Variants in SORCS3 observed in about 807,000 individuals in gnomAD.
SORCS3 encodes the protein sortilin related VPS10 domain containing receptor 3.
In SORCS3, 57 loss-of-function variants were observed where a neutral mutation model predicts 146.3. The observed-to-expected ratio is 0.39, with a 90% CI of 0.31 to 0.49. The LOEUF (loss-of-function observed/expected upper bound fraction) is 0.49. Ranked by LOEUF, SORCS3 falls within the 20% of genes least tolerant of loss-of-function variation. The probability of loss-of-function intolerance (pLI) is 0.92; values close to 1 mark genes in which losing one functional copy is unlikely to be tolerated. For missense variants in SORCS3, 1,341 were observed against 1,575.5 expected (o/e 0.85, Z 2.52); for synonymous variants, 653 against 618.5 (o/e 1.06, Z -0.83).
chr10:104,654,315 T>C (rs941337737), intron 1 of SORCS3, among the ~76,000 whole-genome samples: 1 of 152,226 alleles, frequency 6.6e-6, no homozygotes, highest in African/African-American at 2.4e-5. Flanking sequence ...TTTGAGTATA[T>C]AACCAGCAGC....
At chr10:104,867,285 G>A (rs1360337832) in intron 2 of SORCS3, among the ~76,000 whole-genome samples, 1 of 152,030 alleles carries the variant, frequency 6.6e-6, no homozygotes, top group Non-Finnish European at 1.5e-5. Context: ...ATTAGGGTGA[G>A]GAAAGTGAAA....
rs113865769 is a variant in SORCS3, at chr10:105,242,147, A to G, written c.2869-3395A>G. Among the ~76,000 whole-genome samples the G allele has an allele frequency of 3.3e-3, 497 of 150,846 alleles. 1 individual carries two copies. The highest frequency in any genetic ancestry group is 0.016 in the South Asian group (79 of 4,816). On this transcript the variant is annotated intron_variant, in intron 20 of 26. Coordinates refer to ENST00000369701, the MANE Select transcript of SORCS3 (RefSeq NM_014978.3). ...ATTGCAATTTCTTATAAAACTAAAC[A>G]TTTTCCTAAATCATTCTACCATTTT...
intron 4 of SORCS3, among the ~76,000 whole-genome samples, chr10:105,015,712 A>G (rs1463564096): frequency 6.6e-6 from 1 of 152,038 alleles, no homozygotes; most frequent in African/African-American, 2.4e-5. Context: ...CAATGGAAGA[A>G]GTAAGGTTCT....
intron 6 of SORCS3, among the ~76,000 whole-genome samples, chr10:105,095,729 A>C (rs2055741232): frequency 7.3e-6 from 1 of 137,552 alleles, no homozygotes; most frequent in South Asian, 2.3e-4. Flanking sequence ...AGCTATTCAC[A>C]GACAGGCAGA....
At chr10:104,812,649 CTTTCCCA>C (rs1365380582) in intron 1 of SORCS3, among the ~76,000 whole-genome samples, 7 of 152,166 alleles carry the variant, frequency 4.6e-5, no homozygotes, top group African/African-American at 1.7e-4. Flanking sequence ...CCTAATGGGC[CTTTCCCA>C]TTGGAACCAG....
At chr10:104,862,985 C>G (rs2018421077) in intron 2 of SORCS3, among the ~76,000 whole-genome samples, 1 of 152,150 alleles carries the variant, frequency 6.6e-6, no homozygotes, top group African/African-American at 2.4e-5. Context: ...CTGTGACATT[C>G]ATTTGGGGAA....
At chr10:104,691,996 G>GT (rs892450621) in intron 1 of SORCS3, among the ~76,000 whole-genome samples, 67 of 151,364 alleles carry the variant, frequency 4.4e-4, no homozygotes, top group African/African-American at 1.2e-3. Flanking sequence ...ACAAGGGTCT[G>GT]TTTTTTTTTA....
intron 2 of SORCS3, among the ~76,000 whole-genome samples, chr10:104,856,069 C>G (rs559978980): frequency 6.6e-6 from 1 of 152,008 alleles, no homozygotes; most frequent in Non-Finnish European, 1.5e-5. Flanking sequence ...GAACTCAGCA[C>G]GGTGCTAGGC....
intron 7 of SORCS3, among the ~76,000 whole-genome samples, chr10:105,128,372 A>T (rs915328259): frequency 6.6e-6 from 1 of 152,122 alleles, no homozygotes; most frequent in Admixed American, 6.6e-5. Context: ...GAGACATGCA[A>T]ATCCCATGTT....
At chr10:104,733,545 A>G (rs1411369982) in intron 1 of SORCS3, among the ~76,000 whole-genome samples, 1 of 147,686 alleles carries the variant, frequency 6.8e-6, no homozygotes, top group Non-Finnish European at 1.5e-5. Context: ...TTTTTTGTAG[A>G]AATAAGGTCC....
chr10:105,189,611 G>A (rs2056500941), intron 14 of SORCS3, among the ~76,000 whole-genome samples: 1 of 152,122 alleles, frequency 6.6e-6, no homozygotes, highest in South Asian at 2.1e-4. Context: ...AGTTTTCATG[G>A]TGCTGCGGTC....
At chr10:105,072,887 G>T (rs1409453383) in intron 5 of SORCS3, among the ~76,000 whole-genome samples, 1 of 152,050 alleles carries the variant, frequency 6.6e-6, no homozygotes, top group Non-Finnish European at 1.5e-5. Flanking sequence ...CACGTAGTGA[G>T]TACTCCTAAG....
chr10:105,173,284 C>T (rs2056374426), intron 13 of SORCS3, among the ~76,000 whole-genome samples: 1 of 152,036 alleles, frequency 6.6e-6, no homozygotes, highest in East Asian at 1.9e-4. Flanking sequence ...TGTACTCCAG[C>T]CTGGCAACAG....
At chr10:104,844,441 C>A (rs919427782) in intron 2 of SORCS3, among the ~76,000 whole-genome samples, 1 of 152,094 alleles carries the variant, frequency 6.6e-6, no homozygotes, top group Non-Finnish European at 1.5e-5. Context: ...GCAGGCTAGG[C>A]AAGTATAGGA....
chr10:105,249,465 G>A (rs943780623), intron 22 of SORCS3, among the ~76,000 whole-genome samples: 8 of 152,170 alleles, frequency 5.3e-5, no homozygotes, highest in Non-Finnish European at 1.2e-4. Flanking sequence ...ACATGGAGAA[G>A]GAGCTGACAG....
intron 4 of SORCS3, among the ~76,000 whole-genome samples, chr10:105,039,445 C>CGCTCTCTT (rs1564740350): frequency 4.1e-5 from 6 of 146,390 alleles, no homozygotes; most frequent in Admixed American, 3.4e-4. Flanking sequence ...GTGGCTCTCT[C>CGCTCTCTT]GCTCTCTTTT....
intron 14 of SORCS3, among the ~76,000 whole-genome samples, chr10:105,197,277 G>A (rs2056549229): frequency 6.6e-6 from 1 of 152,098 alleles, no homozygotes; most frequent in Non-Finnish European, 1.5e-5. Flanking sequence ...CTTCTTCAGT[G>A]GTCCTTAAAC....
At chr10:104,832,935 A>G (rs532842418) in intron 1 of SORCS3, among the ~76,000 whole-genome samples, 1 of 152,208 alleles carries the variant, frequency 6.6e-6, no homozygotes, top group African/African-American at 2.4e-5. Flanking sequence ...TGGTATTTGG[A>G]CCATATTTTG....
intron 6 of SORCS3, among the ~76,000 whole-genome samples, chr10:105,092,622 C>CACACACACACACAT (rs1455798713): frequency 6.6e-6 from 1 of 151,810 alleles, no homozygotes; most frequent in African/African-American, 2.4e-5. Context: ...CACACACACA[C>CACACACACACACAT]ACACACACAC....
Sources: gnomAD v4.1 joint callset for allele counts (sites outside exome capture counted in the v4.1 genomes callset) on GRCh38, gnomAD v4.1.1 for gene constraint, MANE v1.5 for transcripts, NCBI Gene and HGNC (gene_info 2026-07-23, HGNC 2026-07-21) for gene names.